The following COL16A1 variants were observed in gnomAD, a reference collection of about 807,000 sequenced individuals.
The protein encoded by COL16A1 is collagen type XVI alpha 1 chain.
COL16A1 carries 189 observed loss-of-function variants against 266.3 expected under a neutral mutation model. That is an observed-to-expected ratio of 0.71 (90% CI 0.63 to 0.80). The LOEUF (loss-of-function observed/expected upper bound fraction) is 0.80, where lower values mean the gene tolerates loss of function less well. Ranked by LOEUF, COL16A1 falls within the 30% of genes least tolerant of loss-of-function variation. COL16A1 has a pLI of 0.00. For synonymous variants in COL16A1, 740 were observed against 782.3 expected (o/e 0.95, Z 0.90); for missense variants, 1,928 against 2,122.4 (o/e 0.91, Z 1.80).
intron 37 of COL16A1, among the ~76,000 whole-genome samples, chr1:31,682,365 A>G (rs1643709327): frequency 6.6e-6 from 1 of 152,260 alleles, no homozygotes; most frequent in Non-Finnish European, 1.5e-5. Context: ...ACAGTAGTCC[A>G]TAGCCACATG....
chr1:31,656,368 T>G lies in COL16A1; in HGVS notation c.4101+32A>C, dbSNP rs1641147191. 6.2e-7 allele frequency: 1 copy of G among 1,612,112 alleles called. No individual in the cohort carries two copies. Among genetic ancestry groups the G allele is most frequent in the African/African-American group, 1.3e-5 (1 of 74,818 alleles). ...GCTGGGCTTCATCCACTCGTGAGCT[T>G]CTCCTCTCAAGCCCAGCCAGTGCCC... On this transcript the variant is annotated intron_variant, in intron 66 of 70. Transcript: ENST00000373672. This position sits in a 1 kb window ranked among gnomAD's most constrained non-coding sequence, Gnocchi z 4.2.
chr1:31,659,404 CACT>C (rs1325316514), intron 62 of COL16A1, among the ~76,000 whole-genome samples: 3 of 152,154 alleles, frequency 2.0e-5, no homozygotes, highest in Non-Finnish European at 2.9e-5. Flanking sequence ...AGGGGCTTGG[CACT>C]GACCCCGACA....
At chr1:31,659,098 G>T in intron 62 of COL16A1, 134 bp from the exon 63 acceptor site, 1 of 822,692 alleles carries the variant, frequency 1.2e-6, no homozygotes, top group Non-Finnish European at 2.0e-6. Flanking sequence ...CTTCGCTCTG[G>T]TCTTGCACTT....
rs188543185 is a variant in COL16A1, at chr1:31,683,642, T to G, written c.2379+65A>C. On this transcript the variant is annotated intron_variant, in intron 34 of 70. Coordinates refer to ENST00000373672, the MANE Select transcript of COL16A1 (RefSeq NM_001856.4). ...CAGAGCCCTGAAGTTTGGGAGTGGA[T>G]GGAAGTAGGTAGCTGGCTAATGGAA... 19 of 1,611,860 alleles carry G rather than the reference T, an allele frequency of 1.2e-5. No individual in the cohort carries two copies. In the East Asian group the frequency reaches 3.8e-4, roughly 32 times the overall value.
Position 31,666,020 on chromosome 1 carries a change from T to A in COL16A1, c.3402+17A>T. The A allele has an allele frequency of 6.2e-7, 1 of 1,612,574 alleles. No individual in the cohort carries two copies. ...ACAAGACCAGGACCACATCTCCCCA[T>A]GCCCTCCTTCACTCACCGCTGGGCC... On this transcript the variant is annotated intron_variant, in intron 53 of 70. Transcript: ENST00000373672.
intron 10 of COL16A1, 86 bp from the exon 11 acceptor site, chr1:31,695,307 C>A: frequency 3.1e-6 from 4 of 1,311,406 alleles, no homozygotes; most frequent in Non-Finnish European, 1.1e-6. Context: ...GCCCACAGAA[C>A]ATCACACATA....
rs993097771 is a variant in COL16A1, at chr1:31,671,638, A to G, written c.3127T>C (p.Ser1043Pro). Residue 1043 changes from serine to proline, a missense_variant, in exon 48 of 71, where the codon TCC becomes CCC. This residue lies in a region of COL16A1 where 1,552 missense variants were observed against 1,637.2 expected (regional missense o/e 0.95). Coordinates refer to ENST00000373672, the MANE Select transcript of COL16A1 (RefSeq NM_001856.4). ...ACGATAGGGCCTGGAGGACCCGGGG[A>G]GCCCCTCATGCCAGGCGGACCCTGC... Reference protein sequence around the residue: ...GEEGPPGMRGSPGPPGPIGPP... With the variant: ...GEEGPPGMRGPPGPPGPIGPP... 6 of 1,613,892 alleles carry G rather than the reference A, an allele frequency of 3.7e-6. No homozygotes were observed. The highest frequency in any genetic ancestry group is 1.3e-5 in the African/African-American group (1 of 74,878).
rs1241811886 is a variant in COL16A1 at position 31,689,804 on chromosome 1, G to T, written c.1557C>A (p.Asn519Lys). 2 of 1,614,122 alleles carry T rather than the reference G, an allele frequency of 1.2e-6. No individual in the cohort carries two copies. The highest frequency in any genetic ancestry group is 3.3e-5 in the Admixed American group (2 of 60,024). The stretch of plus-strand genomic sequence containing the variant: ...CTGGCTTTCCAGGAAGTCCAACAAA[G>T]TTCTGGAACCCTTCAGGCAGTGTTG... ...VCPTLPEGFQ[N>K]FVGLPGKPGP... Residue 519 changes from asparagine (N) to lysine (K), a missense_variant, in exon 23 of 71, where the codon AAC (asparagine) becomes AAA (lysine). By Grantham distance (94) the Asn-to-Lys change is moderately conservative (BLOSUM62 0). Coordinates refer to ENST00000373672, the MANE Select transcript of COL16A1 (RefSeq NM_001856.4).
In COL16A1 at chr1:31,657,416, G is replaced by C. The variant is rs184761030; in HGVS notation, c.4021-348C>G. 20 of 265,606 alleles carry C rather than the reference G, an allele frequency of 7.5e-5. No individual in the cohort carries two copies. In the East Asian group the frequency reaches 1.3e-3, roughly 17 times the overall value. The allele number at this position is 265,606 out of a possible 1,614,324, so 16.5% of individuals were successfully genotyped here. A position where few individuals can be genotyped will look rare whatever the true frequency, so the allele number is the denominator to read the frequency against. ...TGCTGAATGAACACATGAACAGCCT[G>C]AGCCGGCCCCCTCCCTGAGACCAGC... On this transcript the variant is annotated intron_variant, in intron 64 of 70. Coordinates refer to ENST00000373672, the MANE Select transcript of COL16A1 (RefSeq NM_001856.4). This position sits in a 1 kb window ranked among gnomAD's most constrained non-coding sequence, Gnocchi z 6.4.
chr1:31,679,594 C>T (rs1440632255), intron 42 of COL16A1, 38 bp downstream of exon 42: 1 of 1,614,222 alleles, frequency 6.2e-7, no homozygotes, highest in Non-Finnish European at 8.5e-7. Flanking sequence ...CCCATGAGCT[C>T]TGCCACCCAA....
intron 54 of COL16A1, 122 bp from the exon 55 acceptor site, chr1:31,665,740 C>T (rs1184049689): frequency 9.4e-6 from 15 of 1,592,896 alleles, no homozygotes; most frequent in Non-Finnish European, 1.3e-5. Context: ...CCCCTCTGCC[C>T]ACCATGGCTG....
rs1557662361 is a variant in COL16A1, at chr1:31,683,323, G to A, written c.2415+11C>T. 2 of 1,614,164 alleles carry A rather than the reference G, an allele frequency of 1.2e-6. No individual in the cohort carries two copies. Among genetic ancestry groups the A allele is most frequent in the Non-Finnish European group, 1.7e-6 (2 of 1,180,034 alleles). On this transcript the variant is annotated intron_variant, in intron 35 of 70. Transcript: ENST00000373672. ...CCCTGCTATCCTCCTTCAGGACTCA[G>A]GCAGACGTACCTGAATGCCAGGCAA...
In COL16A1 at chr1:31,657,140, A is replaced by T; in HGVS notation, c.4021-72T>A. 3 of 1,588,040 alleles carry T rather than the reference A, an allele frequency of 1.9e-6. No individual in the cohort carries two copies. Among genetic ancestry groups the T allele is most frequent in the Non-Finnish European group, 1.7e-6 (2 of 1,156,810 alleles). On this transcript the variant is annotated intron_variant, in intron 64 of 70. Coordinates refer to ENST00000373672, the MANE Select transcript of COL16A1 (RefSeq NM_001856.4). The surrounding 1 kb of genome is among the most constrained non-coding windows in gnomAD (Gnocchi z 6.4). ...TGGTGTCAGATGCCTCACTTTGTACATGGGGCAAGCCCAGCCCCCTGTTCC... is the reference window on the plus strand; with the variant it reads ...TGGTGTCAGATGCCTCACTTTGTACTTGGGGCAAGCCCAGCCCCCTGTTCC...
chr1:31,688,403 C>G lies in COL16A1; in HGVS notation c.1803+64G>C. 6.3e-7 allele frequency: 1 copy of G among 1,578,786 alleles called. No homozygotes were observed. The highest frequency in any genetic ancestry group is 1.1e-5 in the South Asian group (1 of 90,354). ...ATATTACCCTTATTCCCCGCCCGCA[C>G]CACTCCTCCCCTGCCTGCCTGCCAA... On this transcript the variant is annotated intron_variant, in intron 26 of 70. Transcript: ENST00000373672. The surrounding 1 kb of genome is among the most constrained non-coding windows in gnomAD (Gnocchi z 4.9).
chr1:31,677,909 A>C (rs978463865), intron 42 of COL16A1, among the ~76,000 whole-genome samples: 2 of 152,144 alleles, frequency 1.3e-5, no homozygotes, highest in Non-Finnish European at 2.9e-5. Flanking sequence ...ACACTACATC[A>C]GCTCTCGCTT....
At chr1:31,677,101 ATTT>A in intron 42 of COL16A1, among the ~76,000 whole-genome samples, 2 of 128,280 alleles carry the variant, frequency 1.6e-5, no homozygotes, top group Non-Finnish European at 3.5e-5. Context: ...TATTATTATT[ATTT>A]TTGAGATGTA....
chr1:31,688,437 A>G lies in COL16A1; in HGVS notation c.1803+30T>C. The G allele has an allele frequency of 6.2e-7, 1 of 1,613,826 alleles. No individual in the cohort carries two copies. Among genetic ancestry groups the G allele is most frequent in the Non-Finnish European group, 8.5e-7 (1 of 1,179,796 alleles). On this transcript the variant is annotated intron_variant, in intron 26 of 70. Transcript: ENST00000373672. This position sits in a 1 kb window ranked among gnomAD's most constrained non-coding sequence, Gnocchi z 4.9. ...CCCTGCCTGCCTGCCAAGAAACTCCAGTGTCCCTGACATCTAACCCAGGTC... is the reference window on the plus strand; with the variant it reads ...CCCTGCCTGCCTGCCAAGAAACTCCGGTGTCCCTGACATCTAACCCAGGTC...
At chr1:31,662,686 C>T (rs779699223) in intron 56 of COL16A1, 28 bp from the exon 57 acceptor site, 10 of 1,021,268 alleles carry the variant, frequency 9.8e-6, no homozygotes, top group South Asian at 2.9e-5. Context: ...CCCCCCCCCC[C>T]GCCCCACAAT....
Position 31,702,461 on chromosome 1 carries a change from G to A in COL16A1, c.-34-234C>T, listed in dbSNP as rs368984382. The stretch of plus-strand genomic sequence containing the variant: ...GTATGGCACGGATACCAGCTTTCAG[G>A]CAAAGCAGAAAGCTGCCTACTGCAC... On this transcript the variant is annotated intron_variant, in intron 1 of 70. Transcript: ENST00000373672. 1.1e-4 allele frequency among the ~76,000 whole-genome samples: 16 copies of A among 152,342 alleles called. 2 individuals carry two copies. Among genetic ancestry groups the A allele is most frequent in the African/African-American group, 3.6e-4 (15 of 41,574 alleles).
Sources: allele counts gnomAD v4.1 joint callset (sites outside exome capture counted in the v4.1 genomes callset), GRCh38; gene constraint gnomAD v4.1.1; regional missense constraint gnomAD v4.1.1; non-coding constraint Gnocchi (gnomAD v3.1); transcripts MANE v1.5; gene names NCBI Gene and HGNC (gene_info 2026-07-23, HGNC 2026-07-21).